CLTC: variants seen among roughly 807,000 people sequenced by gnomAD.
CLTC encodes the protein clathrin heavy chain 1.
A neutral mutation model predicts 195.8 loss-of-function variants in CLTC; 16 were observed. The observed-to-expected ratio is 0.08, with a 90% CI of 0.06 to 0.12. The LOEUF is 0.12. Among genes scored for constraint, CLTC ranks in the 10% least tolerant of loss-of-function variants. The pLI, the probability that CLTC is intolerant of heterozygous loss-of-function variation, is 1.00. For synonymous variants in CLTC, 667 were observed against 689.4 expected (o/e 0.97, Z 0.51); for missense variants, 796 against 2,027.0 (o/e 0.39, Z 11.66).
intron 2 of CLTC, among the ~76,000 whole-genome samples, chr17:59,645,264 A>G (rs993734491): frequency 2.0e-5 from 3 of 152,104 alleles, no homozygotes; most frequent in African/African-American, 7.2e-5. Context: ...GGTTCTAGAA[A>G]TGGCTTGAAT....
chr17:59,636,807 G>T (rs2031872821), intron 1 of CLTC, among the ~76,000 whole-genome samples: 1 of 152,118 alleles, frequency 6.6e-6, no homozygotes, highest in African/African-American at 2.4e-5. Flanking sequence ...TTGTTGCCCA[G>T]GCTGGAGTGC....
intron 17 of CLTC, among the ~76,000 whole-genome samples, chr17:59,679,073 C>T (rs1025011073): frequency 6.6e-6 from 1 of 152,126 alleles, no homozygotes. Context: ...GTGGTCAGGG[C>T]TTAGTTACAT....
At position 59,630,983 on chromosome 17, in the gene CLTC, G is replaced by A. The variant is rs1241371281; in HGVS notation, c.42+10810G>A. ...CAACTTTTTGAGAGACCACGAAACCGTTTTCCACAGTGGTGGCACCATTTG... is the reference window on the plus strand; with the variant it reads ...CAACTTTTTGAGAGACCACGAAACCATTTTCCACAGTGGTGGCACCATTTG... On this transcript the variant is annotated intron_variant, in intron 1 of 31. Transcript: ENST00000269122. Among the ~76,000 whole-genome samples, 6 of 152,330 alleles carry A rather than the reference G, an allele frequency of 3.9e-5. No individual in the cohort carries two copies. In the South Asian group the frequency reaches 8.3e-4, roughly 21 times the overall value.
At chr17:59,629,005 G>T (rs748312861) in intron 1 of CLTC, among the ~76,000 whole-genome samples, 8 of 151,956 alleles carry the variant, frequency 5.3e-5, no homozygotes, top group Non-Finnish European at 1.0e-4. Flanking sequence ...GAGAAAGGTG[G>T]CTTAAAAAAA....
chr17:59,654,377 C>T (rs562596890), intron 5 of CLTC, among the ~76,000 whole-genome samples: 3 of 151,490 alleles, frequency 2.0e-5, no homozygotes, highest in South Asian at 2.1e-4. Flanking sequence ...AGGGCTTCAC[C>T]GTGTTGGTCA....
Position 59,681,860 on chromosome 17 carries a change from T to G in CLTC, c.3442+21T>G, listed in dbSNP as rs772541534. 5.1e-6 allele frequency: 8 copies of G among 1,573,086 alleles called. No individual in the cohort carries two copies. In the Admixed American group the frequency reaches 1.5e-4, roughly 29 times the overall value. ...TAGTGGTATGACTTCTTACCTTATG[T>G]ATTGAAACCTCATAAAATGATTAAG... is the stretch of plus-strand genomic sequence containing the variant. On this transcript the variant is annotated intron_variant, in intron 21 of 31. Transcript: ENST00000269122. This position sits in a 1 kb window ranked among gnomAD's most constrained non-coding sequence, Gnocchi z 5.0.
intron 16 of CLTC, among the ~76,000 whole-genome samples, chr17:59,675,270 T>G (rs775707478): frequency 1.6e-4 from 25 of 152,202 alleles, no homozygotes; most frequent in Non-Finnish European, 2.8e-4. Flanking sequence ...GAGTTCCCTG[T>G]GCAACTCTTG....
At chr17:59,624,145 C>A (rs1193262312) in intron 1 of CLTC, among the ~76,000 whole-genome samples, 2 of 152,194 alleles carry the variant, frequency 1.3e-5, no homozygotes, top group Non-Finnish European at 2.9e-5. Context: ...ACTTTCAGAT[C>A]TTCACTCAAT....
intron 1 of CLTC, among the ~76,000 whole-genome samples, chr17:59,622,070 C>T (rs971244137): frequency 1.3e-5 from 2 of 152,158 alleles, no homozygotes; most frequent in Non-Finnish European, 2.9e-5. Context: ...CCCAAAGATT[C>T]GAACCCAACC....
intron 14 of CLTC, among the ~76,000 whole-genome samples, chr17:59,672,868 AT>A (rs2143570978): frequency 6.6e-6 from 1 of 152,250 alleles, no homozygotes; most frequent in Non-Finnish European, 1.5e-5. Flanking sequence ...TTATTGAGGA[AT>A]GTTTCACTGT....
chr17:59,691,175 C>G (rs997660161), intron 31 of CLTC, among the ~76,000 whole-genome samples: 2 of 152,194 alleles, frequency 1.3e-5, no homozygotes, highest in African/African-American at 4.8e-5. Flanking sequence ...TCTTCAAACT[C>G]TCAAGTGAAT....
chr17:59,656,168 A>G (rs1163459358), intron 6 of CLTC, 141 bp downstream of exon 6: 11 of 692,836 alleles, frequency 1.6e-5, no homozygotes, highest in Non-Finnish European at 2.5e-5. Context: ...CAAAAAGTAA[A>G]TAGTAACTTT....
intron 10 of CLTC, 55 bp downstream of exon 10, chr17:59,664,964 C>T: frequency 6.3e-7 from 1 of 1,597,632 alleles, no homozygotes; most frequent in South Asian, 1.1e-5. Context: ...GAGTGGGGGC[C>T]AGCCATGGTG....
chr17:59,655,159 C>T (rs1293881344), intron 5 of CLTC, among the ~76,000 whole-genome samples: 1 of 152,194 alleles, frequency 6.6e-6, no homozygotes, highest in Non-Finnish European at 1.5e-5. Flanking sequence ...CTTAAAATTA[C>T]TTCTAGCTTT....
chr17:59,647,916 G>A (rs757484395), intron 3 of CLTC, among the ~76,000 whole-genome samples: 1 of 151,896 alleles, frequency 6.6e-6, no homozygotes, highest in Non-Finnish European at 1.5e-5. Context: ...TAGCTCTTCT[G>A]TGGAGATTGA....
chr17:59,668,425 C>T (rs1022458488), intron 13 of CLTC, among the ~76,000 whole-genome samples: 1 of 152,194 alleles, frequency 6.6e-6, no homozygotes, highest in African/African-American at 2.4e-5. Context: ...TGGCATGCAT[C>T]TGTAGTTCTA....
At chr17:59,625,886 G>C (rs915153478) in intron 1 of CLTC, among the ~76,000 whole-genome samples, 1 of 152,046 alleles carries the variant, frequency 6.6e-6, no homozygotes, top group African/African-American at 2.4e-5. Flanking sequence ...TTTTCTCTGG[G>C]AAATGGGCAT....
chr17:59,657,658 C>T (rs1171607782), intron 6 of CLTC, among the ~76,000 whole-genome samples: 2 of 151,174 alleles, frequency 1.3e-5, no homozygotes, highest in African/African-American at 2.4e-5. Context: ...ATGCTAGCTA[C>T]TCGGGAGGCT....
chr17:59,651,365 G>GA, intron 5 of CLTC, 49 bp downstream of exon 5: 2 of 1,219,552 alleles, frequency 1.6e-6, no homozygotes, highest in Non-Finnish European at 2.4e-6. Context: ...CCTCTTAAAA[G>GA]AAATTAACCC....
Sources: allele counts gnomAD v4.1 joint callset (sites outside exome capture counted in the v4.1 genomes callset), GRCh38; gene constraint gnomAD v4.1.1; non-coding constraint Gnocchi (gnomAD v3.1); transcripts MANE v1.5; gene names NCBI Gene and HGNC (gene_info 2026-07-23, HGNC 2026-07-21).